Variants in REELD1 observed in about 807,000 individuals in gnomAD.
REELD1 encodes reelin domain-containing protein 1.
In REELD1, 12 loss-of-function variants were observed where a neutral mutation model predicts 6.3. That is an observed-to-expected ratio of 1.89 (90% CI 1.21 to 3.07). REELD1 has a LOEUF of 3.07. Ranked by LOEUF, REELD1 falls within the 30% of genes most tolerant of loss-of-function variation. The pLI is 0.00. For missense variants in REELD1, 163 were observed against 86.8 expected (o/e 1.88, Z -3.49); for synonymous variants, 57 against 33.6 (o/e 1.70, Z -2.42).
rs568969427 is a variant in REELD1, at chr4:146,225,168, A to G, written c.595+560A>G. On this transcript the variant is annotated intron_variant, in intron 5 of 7. Coordinates refer to ENST00000623665, the MANE Select transcript of REELD1 (RefSeq NM_001354631.1). ...ACATGGCTTTATATTCCATTAGTCC[A>G]TGAACTCCTGAAAAAAGAAAAGAAA... Among the ~76,000 whole-genome samples, 5 of 152,290 alleles carry G rather than the reference A, an allele frequency of 3.3e-5. 1 individual carries two copies. The highest frequency in any genetic ancestry group is 3.3e-4 in the Admixed American group (5 of 15,292).
chr4:146,226,771 GATTA>G (rs1480840233), intron 5 of REELD1, among the ~76,000 whole-genome samples: 8 of 152,132 alleles, frequency 5.3e-5, no homozygotes, highest in African/African-American at 1.9e-4. Flanking sequence ...GGTATTAATT[GATTA>G]ATTAATTAAT....
chr4:146,224,503 T>A lies in REELD1; in HGVS notation c.490T>A (p.Ser164Thr). 1 of 697,672 alleles carries A rather than the reference T, an allele frequency of 1.4e-6. No individual in the cohort carries two copies. The highest frequency in any genetic ancestry group is 2.0e-5 in the Admixed American group (1 of 49,630). 43.2% of individuals were successfully genotyped at this position (697,672 alleles called of 1,614,324 possible). Residue 164 changes from serine (S) to threonine (T), a missense_variant, in exon 5 of 8, where the codon TCT (serine) becomes ACT (threonine). Transcript: ENST00000623665. ...YWARIESSVV[S>T]QQTHSSAHSD... is the part of the protein sequence containing the mutation. The stretch of plus-strand genomic sequence containing the variant: ...GGCAAGGATTGAATCATCTGTTGTG[T>A]CTCAACAGACACATAGCAGCGCCCA...
Position 146,229,992 on chromosome 4 carries a change from G to C in REELD1, c.1060G>C (p.Glu354Gln), listed in dbSNP as rs1731098891. Residue 354 changes from glutamate to glutamine, a missense_variant, in exon 8 of 8, where the codon GAA becomes CAA. Transcript: ENST00000623665. ...LTYPQCLWSS[E>Q]TFTGNGVRAS... ...CTATCCCCAGTGCCTCTGGTCCTCT[G>C]AAACTTTCACAGGGAATGGGGTCAG... 2.5e-6 allele frequency: 1 copy of C among 398,578 alleles called. No homozygotes were observed. Among genetic ancestry groups the C allele is most frequent in the African/African-American group, 2.1e-5 (1 of 48,626 alleles). The allele number at this position is 398,578 out of a possible 1,614,324, so 24.7% of individuals were successfully genotyped here. A position where few individuals can be genotyped will look rare whatever the true frequency, so the allele number is the denominator to read the frequency against.
chr4:146,227,566 A>T (rs568869169), intron 5 of REELD1, among the ~76,000 whole-genome samples: 1 of 152,316 alleles, frequency 6.6e-6, no homozygotes, highest in Admixed American at 6.5e-5. Context: ...GAAGAAACTA[A>T]TGCTCTGGGA....
At position 146,232,006 on chromosome 4, in the gene REELD1, A is replaced by G. The variant is rs1450433757; in HGVS notation, c.*1493A>G. 1 of 152,222 alleles carries G rather than the reference A, an allele frequency of 6.6e-6. No individual in the cohort carries two copies. Among genetic ancestry groups the G allele is most frequent in the Non-Finnish European group, 1.5e-5 (1 of 68,048 alleles). The allele number at this position is 152,222 out of a possible 1,614,324, so 9.4% of individuals were successfully genotyped here. On this transcript the variant is annotated 3_prime_UTR_variant, in exon 8 of 8. Transcript: ENST00000623665. ...AAAGAAACAAAAGTACTGTAGTCTA[A>G]TAAGGCCACAGATATCCCTTCTGTA...
rs900158804 is a variant in REELD1, at chr4:146,232,157, TTCTG to T, written c.*1648_*1651del. ...ATGTATGCAAACTTTTTTAGATCTTTTCTGTCTAAGAGAGAATTTTCCTATGTAA... is the reference window on the plus strand; with the variant it reads ...ATGTATGCAAACTTTTTTAGATCTTTTCTAAGAGAGAATTTTCCTATGTAA... On this transcript the variant is annotated 3_prime_UTR_variant, in exon 8 of 8. Coordinates refer to ENST00000623665, the MANE Select transcript of REELD1 (RefSeq NM_001354631.1). 2 of 152,246 alleles carry T rather than the reference TTCTG, an allele frequency of 1.3e-5. No homozygotes were observed. Among genetic ancestry groups the T allele is most frequent in the Admixed American group, 6.5e-5 (1 of 15,286 alleles). The allele number at this position is 152,246 out of a possible 1,614,324, so 9.4% of individuals were successfully genotyped here.
chr4:146,229,368 C>T (rs1306654139), intron 7 of REELD1, among the ~76,000 whole-genome samples: 3 of 152,172 alleles, frequency 2.0e-5, no homozygotes, highest in African/African-American at 7.2e-5. Flanking sequence ...TCTATCCCTC[C>T]TTCATAACAT....
intron 3 of REELD1, among the ~76,000 whole-genome samples, chr4:146,221,384 T>G (rs958761864): frequency 1.2e-4 from 19 of 152,218 alleles, no homozygotes; most frequent in African/African-American, 3.6e-4. Flanking sequence ...GTAACTGCAT[T>G]TTAAATGTGG....
chr4:146,223,756 A>G (rs1191869084), intron 4 of REELD1, among the ~76,000 whole-genome samples: 3 of 152,186 alleles, frequency 2.0e-5, no homozygotes, highest in African/African-American at 7.2e-5. Flanking sequence ...CGAGTCTGGA[A>G]ACCGCATGTT....
chr4:146,217,178 T>G lies in REELD1; in HGVS notation c.208+18T>G, dbSNP rs1303225827. 2.5e-6 allele frequency: 1 copy of G among 399,148 alleles called. No individual in the cohort carries two copies. The highest frequency in any genetic ancestry group is 2.1e-5 in the African/African-American group (1 of 48,750). 24.7% of individuals were successfully genotyped at this position (399,148 alleles called of 1,614,324 possible). ...GATTCCAGGTATGTACCAGAGAGGC[T>G]TAGAGAGACTCCGAGGAGCCCCAGA... On this transcript the variant is annotated intron_variant, in intron 3 of 7. Coordinates refer to ENST00000623665, the MANE Select transcript of REELD1 (RefSeq NM_001354631.1).
rs183312334 is a variant in REELD1, at chr4:146,230,279, C to T, written c.1347C>T (p.Cys449=). 344 of 398,906 alleles carry T rather than the reference C, an allele frequency of 8.6e-4. 2 individuals are homozygous for T. The highest frequency in any genetic ancestry group is 6.6e-3 in the African/African-American group (321 of 48,778). The allele number at this position is 398,906 out of a possible 1,614,324, so 24.7% of individuals were successfully genotyped here. ...CTCCTCAGCTGGGAATTCTGCTTTGCCTGTCAGCCACCCTGGGCATGGCCC... is the reference window on the plus strand; with the variant it reads ...CTCCTCAGCTGGGAATTCTGCTTTGTCTGTCAGCCACCCTGGGCATGGCCC... ...LRTPQLGILL[C]LSATLGMALA... is the part of the protein sequence containing the mutation. Residue 449 remains cysteine, a synonymous_variant, in exon 8 of 8, where the codon TGC becomes TGT. Transcript: ENST00000623665.
At position 146,219,356 on chromosome 4, in the gene REELD1, A is replaced by G. The variant is rs1372039288; in HGVS notation, c.208+2196A>G. Among the ~76,000 whole-genome samples the G allele has an allele frequency of 2.0e-5, 3 of 152,244 alleles. No homozygotes were observed. In the South Asian group the frequency reaches 6.2e-4, roughly 32 times the overall value. On this transcript the variant is annotated intron_variant, in intron 3 of 7. Coordinates refer to ENST00000623665, the MANE Select transcript of REELD1 (RefSeq NM_001354631.1). ...ATGGATTCAATGAGAGTCAGTTATT[A>G]CTGACTTACGTTGCAAGTATACTGT... is the stretch of plus-strand genomic sequence containing the variant.
chr4:146,221,481 T>C (rs1203726707), intron 3 of REELD1, among the ~76,000 whole-genome samples: 1 of 152,228 alleles, frequency 6.6e-6, no homozygotes, highest in Non-Finnish European at 1.5e-5. Flanking sequence ...TCCATAGTCT[T>C]ATCAAGACTG....
chr4:146,224,190 A>G (rs1230735604), intron 4 of REELD1, among the ~76,000 whole-genome samples: 1 of 152,084 alleles, frequency 6.6e-6, no homozygotes, highest in Non-Finnish European at 1.5e-5. Context: ...TAGTGACTGT[A>G]TTTATTCAAG....
intron 4 of REELD1, among the ~76,000 whole-genome samples, chr4:146,224,073 T>G (rs780098654): frequency 6.6e-6 from 1 of 152,252 alleles, no homozygotes; most frequent in Non-Finnish European, 1.5e-5. Flanking sequence ...CTTCAAATCA[T>G]GACATAATAA....
At chr4:146,227,828 G>A (rs1303390960) in intron 5 of REELD1, among the ~76,000 whole-genome samples, 1 of 152,210 alleles carries the variant, frequency 6.6e-6, no homozygotes. Flanking sequence ...ATTAGGGCAA[G>A]AAAGATCTAG....
intron 4 of REELD1, among the ~76,000 whole-genome samples, chr4:146,223,159 C>A (rs191698160): frequency 1.3e-5 from 2 of 152,326 alleles, no homozygotes. Context: ...CAGACACTTG[C>A]ATTTACCAAG....
Position 146,230,420 on chromosome 4 carries a change from C to T in REELD1, c.1488C>T (p.His496=), listed in dbSNP as rs763576939. ...GGAGCAACAGTGGTGAGACTGTGCA[C>T]GTCAGGAAGATTGGGGAGAACAGTT... ...VARSNSGETV[H]VRKIGENSFV... The change falls in exon 8 of 8, where the codon CAC becomes CAT. Residue 496 remains histidine, a synonymous_variant. Transcript: ENST00000623665. 9.5e-5 allele frequency: 38 copies of T among 398,588 alleles called. No individual in the cohort carries two copies. Among genetic ancestry groups the T allele is most frequent in the Non-Finnish European group, 1.4e-4 (31 of 226,130 alleles). 24.7% of individuals were successfully genotyped at this position (398,588 alleles called of 1,614,324 possible).
Position 146,231,178 on chromosome 4 carries a change from A to G in REELD1, c.*665A>G, listed in dbSNP as rs1287058978. 6.6e-6 allele frequency among the ~76,000 whole-genome samples: 1 copy of G among 152,208 alleles called. No individual in the cohort carries two copies. Among genetic ancestry groups the G allele is most frequent in the Admixed American group, 6.5e-5 (1 of 15,286 alleles). ...ATCTTCAGGAAAACATATACATGCA[A>G]CACAAGGCCGTAAACACCAGAGTGG... On this transcript the variant is annotated 3_prime_UTR_variant, in exon 8 of 8. Transcript: ENST00000623665.
Sources: allele counts gnomAD v4.1 joint callset (sites outside exome capture counted in the v4.1 genomes callset), GRCh38; gene constraint gnomAD v4.1.1; transcripts MANE v1.5; gene names NCBI Gene and HGNC (gene_info 2026-07-23, HGNC 2026-07-21).